Variants in SSBP3 observed in about 807,000 individuals in gnomAD.
SSBP3 encodes single stranded DNA binding protein 3.
In SSBP3, 5 loss-of-function variants were observed where a neutral mutation model predicts 69.6. The ratio of observed to expected loss-of-function variants is 0.07; its 90% CI spans 0.04 to 0.15. The LOEUF is 0.15. Among genes scored for constraint, SSBP3 ranks in the 10% least tolerant of loss-of-function variants. The pLI, the probability that SSBP3 is intolerant of heterozygous loss-of-function variation, is 1.00. For missense variants in SSBP3, 312 were observed against 534.0 expected, an observed-to-expected ratio of 0.58 and a Z score of 4.10; for synonymous variants, 196 against 193.4, an observed-to-expected ratio of 1.01 and a Z score of -0.11.
At chr1:54,398,640 G>A (rs929908534) in intron 4 of SSBP3, among the ~76,000 whole-genome samples, 1 of 152,152 alleles carries the variant, frequency 6.6e-6, no homozygotes, top group Admixed American at 6.5e-5. Flanking sequence ...GGGATCCCAT[G>A]GGCTTTTGTC....
intron 4 of SSBP3, chr1:54,286,855 G>GC (rs1159564037): frequency 1.3e-5 from 2 of 152,200 alleles, no homozygotes; most frequent in African/African-American, 4.8e-5. Flanking sequence ...CTCACCCTGT[G>GC]CCGGGCATAG....
chr1:54,357,105 G>A (rs923654058), intron 4 of SSBP3, among the ~76,000 whole-genome samples: 3 of 152,164 alleles, frequency 2.0e-5, no homozygotes, highest in African/African-American at 7.2e-5. Flanking sequence ...AGGGAGGGAA[G>A]ACAGGAAGAG....
intron 4 of SSBP3, among the ~76,000 whole-genome samples, chr1:54,361,521 C>T (rs1444452434): frequency 1.3e-5 from 2 of 152,076 alleles, no homozygotes; most frequent in African/African-American, 4.8e-5. Context: ...AACACTGCCC[C>T]CAATAGAGCA....
intron 4 of SSBP3, among the ~76,000 whole-genome samples, chr1:54,292,196 T>C (rs999338426): frequency 6.6e-6 from 1 of 152,220 alleles, no homozygotes; most frequent in Non-Finnish European, 1.5e-5. Context: ...ATGCAACAGT[T>C]GGTGCATGCC....
chr1:54,328,871 C>G (rs1398871226), intron 4 of SSBP3, among the ~76,000 whole-genome samples: 1 of 152,180 alleles, frequency 6.6e-6, no homozygotes, highest in Non-Finnish European at 1.5e-5. Context: ...ACGCACCAGG[C>G]CCTACTTCCT....
At chr1:54,404,808 T>TGGCG in intron 2 of SSBP3, 50 bp downstream of exon 2, 2 of 631,356 alleles carry the variant, frequency 3.2e-6, no homozygotes, top group Non-Finnish European at 5.1e-6. Flanking sequence ...CTAAGAATAG[T>TGGCG]GGGGGGGGGG....
intron 4 of SSBP3, among the ~76,000 whole-genome samples, chr1:54,303,174 G>A (rs1172856556): frequency 6.6e-6 from 1 of 152,226 alleles, no homozygotes; most frequent in Admixed American, 6.5e-5. Context: ...TGCTGGTGCT[G>A]CCACAGAAAG....
intron 4 of SSBP3, among the ~76,000 whole-genome samples, chr1:54,305,788 T>C (rs1212313363): frequency 6.6e-6 from 1 of 150,628 alleles, no homozygotes; most frequent in African/African-American, 2.5e-5. Context: ...AGACACGCCA[T>C]AGGTGGAAAG....
intron 4 of SSBP3, among the ~76,000 whole-genome samples, chr1:54,376,170 A>C (rs1647228426): frequency 6.8e-6 from 1 of 146,092 alleles, no homozygotes; most frequent in African/African-American, 2.6e-5. Context: ...CACCCTGTTC[A>C]CTCGTGTGCG....
intron 5 of SSBP3, among the ~76,000 whole-genome samples, chr1:54,265,359 C>T (rs1391709474): frequency 6.6e-6 from 1 of 151,944 alleles, no homozygotes; most frequent in African/African-American, 2.4e-5. Context: ...TGTTTACAGG[C>T]CAGAGCTGGG....
At chr1:54,335,816 C>T (rs1379568307) in intron 4 of SSBP3, 1 of 152,222 alleles carries the variant, frequency 6.6e-6, no homozygotes, top group South Asian at 2.1e-4. Flanking sequence ...CAGCTCTTGT[C>T]GCTTCTCCCA....
intron 4 of SSBP3, among the ~76,000 whole-genome samples, chr1:54,368,541 A>T (rs1460626533): frequency 1.3e-5 from 2 of 151,922 alleles, no homozygotes; most frequent in Admixed American, 1.3e-4. Context: ...TTCTGAAACC[A>T]TTTTAGGATT....
rs1557440830 is a variant in SSBP3 at position 54,233,694 on chromosome 1, GCCCC to G, written c.928-4872_928-4869del. 6.6e-4 allele frequency among the ~76,000 whole-genome samples: 83 copies of G among 126,674 alleles called. 1 individual carries two copies. The highest frequency in any genetic ancestry group is 1.6e-3 in the South Asian group (5 of 3,118). The allele number at this position is 126,674 out of a possible 152,430, so 83.1% of individuals were successfully genotyped here. A position where few individuals can be genotyped will look rare whatever the true frequency, so the allele number is the denominator to read the frequency against. ...GAGGAGCCCCTCTGCCCGGCCAGCC[GCCCC>G]GTCTGGGAGGGAGGTGGGGGGGTCA... On this transcript the variant is annotated intron_variant, in intron 14 of 17. Transcript: ENST00000610401.
chr1:54,348,101 G>T (rs1357426941), intron 4 of SSBP3, among the ~76,000 whole-genome samples: 2 of 152,042 alleles, frequency 1.3e-5, no homozygotes, highest in Admixed American at 1.3e-4. Flanking sequence ...ATCCGGAGAG[G>T]TCAGAGTCCC....
In SSBP3 at chr1:54,277,931, G is replaced by GA. The variant is rs961793013; in HGVS notation, c.366+3506dup. ...CAGCCCAACCGAGCTAAGCTGCGTG[G>GA]AAAAAAAAAATGCCACTGCTTGATT... On this transcript the variant is annotated intron_variant, in intron 5 of 17. Coordinates refer to ENST00000610401, the Ensembl canonical transcript of SSBP3. 4.5e-3 allele frequency among the ~76,000 whole-genome samples: 671 copies of GA among 149,348 alleles called. 1 individual carries two copies. The highest frequency in any genetic ancestry group is 0.014 in the African/African-American group (580 of 40,796).
At chr1:54,397,114 G>T (rs1648947149) in intron 4 of SSBP3, among the ~76,000 whole-genome samples, 1 of 152,228 alleles carries the variant, frequency 6.6e-6, no homozygotes, top group Non-Finnish European at 1.5e-5. Context: ...CCACACAAGG[G>T]TGCCAAGGGT....
intron 4 of SSBP3, among the ~76,000 whole-genome samples, chr1:54,392,173 G>T (rs577688439): frequency 8.5e-5 from 13 of 152,096 alleles, no homozygotes; most frequent in Non-Finnish European, 1.8e-4. Flanking sequence ...CAGAGACAAC[G>T]GTACCAAGTG....
At chr1:54,256,651 C>G (rs1468224201) in intron 7 of SSBP3, among the ~76,000 whole-genome samples, 1 of 152,204 alleles carries the variant, frequency 6.6e-6, no homozygotes, top group African/African-American at 2.4e-5. Flanking sequence ...TGCATCCAGG[C>G]TCCTGATCTA....
chr1:54,362,323 G>A (rs906256126), intron 4 of SSBP3, among the ~76,000 whole-genome samples: 3 of 152,188 alleles, frequency 2.0e-5, no homozygotes, highest in African/African-American at 7.2e-5. Context: ...TGCCCAATAT[G>A]TGGCATCAGC....
Sources: allele counts gnomAD v4.1 joint callset (sites outside exome capture counted in the v4.1 genomes callset), GRCh38; gene constraint gnomAD v4.1.1; transcripts MANE v1.5; gene names NCBI Gene and HGNC (gene_info 2026-07-23, HGNC 2026-07-21).